The following PFKP variants were observed in gnomAD, a reference collection of about 807,000 sequenced individuals.
PFKP encodes the protein ATP-dependent 6-phosphofructokinase, platelet type.
A neutral mutation model predicts 94.3 loss-of-function variants in PFKP; 101 were observed. The ratio of observed to expected loss-of-function variants is 1.07; its 90% CI spans 0.91 to 1.26. The LOEUF (loss-of-function observed/expected upper bound fraction) is 1.26. PFKP is among the 50% of genes most tolerant of loss of function. The probability of loss-of-function intolerance (pLI) is 0.00; values close to 1 mark genes in which losing one functional copy is unlikely to be tolerated. For missense variants in PFKP, 1,145 were observed against 1,103.3 expected (o/e 1.04, Z -0.53); for synonymous variants, 573 against 432.6 (o/e 1.32, Z -4.03).
chr10:3,117,438 G>A (rs1282803459), intron 14 of PFKP, among the ~76,000 whole-genome samples: 1 of 152,176 alleles, frequency 6.6e-6, no homozygotes, highest in East Asian at 1.9e-4. Context: ...ATTAATCTCT[G>A]TCATCACTAC....
chr10:3,103,665 A>AG, intron 4 of PFKP, 114 bp from the exon 5 acceptor site: 1 of 976,350 alleles, frequency 1.0e-6, no homozygotes, highest in Non-Finnish European at 1.6e-6. Context: ...AATAACAAAG[A>AG]GTTTAGAATG....
intron 16 of PFKP, among the ~76,000 whole-genome samples, chr10:3,123,892 T>G (rs1044780145): frequency 1.3e-5 from 2 of 152,000 alleles, no homozygotes; most frequent in Non-Finnish European, 1.5e-5. Flanking sequence ...TGGGCCTGGG[T>G]GGAGGTGGAG....
At chr10:3,136,022 G>T (rs9423491) in intron 21 of PFKP, among the ~76,000 whole-genome samples, 184 bp downstream of exon 21, 65,063 of 151,926 alleles carry the variant, frequency 0.43, 14,131 homozygotes, top group African/African-American at 0.49. Context: ...TCCCAGCACT[G>T]TGGGAGGCCG....
At position 3,119,964 on chromosome 10, in the gene PFKP, G is replaced by T; in HGVS notation, c.1603G>T (p.Val535Phe). 1.2e-6 allele frequency: 2 copies of T among 1,614,134 alleles called. No homozygotes were observed. Among genetic ancestry groups the T allele is most frequent in the Non-Finnish European group, 1.7e-6 (2 of 1,180,002 alleles). ...GGAGTTCTGTGTCCCCATGGTCATG[G>T]TTCCCGCTACTGTGTCCAACAATGT... ...HEEFCVPMVMVPATVSNNVPG... is the reference protein window; with the variant it reads ...HEEFCVPMVMFPATVSNNVPG... Residue 535 changes from valine to phenylalanine, a missense_variant, in exon 16 of 22, where the codon GTT (valine) becomes TTT (phenylalanine). Physicochemically the swap from Val to Phe is conservative, Grantham distance 50. Transcript: ENST00000381125.
intron 16 of PFKP, among the ~76,000 whole-genome samples, chr10:3,125,513 G>A (rs1434917905): frequency 6.6e-6 from 1 of 152,172 alleles, no homozygotes; most frequent in Non-Finnish European, 1.5e-5. Flanking sequence ...GGAGCCGCAG[G>A]TACCATTGCT....
At chr10:3,132,960 T>C (rs924753941) in intron 18 of PFKP, among the ~76,000 whole-genome samples, 5 of 152,208 alleles carry the variant, frequency 3.3e-5, no homozygotes, top group Admixed American at 2.6e-4. Context: ...TGGTGTGCAA[T>C]TTAAAACTTA....
chr10:3,126,141 G>A (rs550722087), intron 16 of PFKP, among the ~76,000 whole-genome samples: 82 of 152,330 alleles, frequency 5.4e-4, no homozygotes, highest in African/African-American at 1.8e-3. Context: ...ACAGAACCTC[G>A]GAAGACAGCA....
chr10:3,090,392 A>T (rs1398723862), intron 2 of PFKP, among the ~76,000 whole-genome samples: 4 of 152,160 alleles, frequency 2.6e-5, no homozygotes, highest in Non-Finnish European at 5.9e-5. Context: ...GGTAGAAAGG[A>T]CTTGGAAAAG....
chr10:3,075,307 G>T (rs1464279632), intron 1 of PFKP, among the ~76,000 whole-genome samples: 1 of 151,888 alleles, frequency 6.6e-6, no homozygotes, highest in Non-Finnish European at 1.5e-5. Flanking sequence ...GGCCAGATTT[G>T]GGGGGGCCTG....
At chr10:3,110,804 TTG>T (rs1408049735) in intron 10 of PFKP, among the ~76,000 whole-genome samples, 2 of 151,570 alleles carry the variant, frequency 1.3e-5, no homozygotes, top group Admixed American at 6.6e-5. Context: ...GTGTGCATGT[TTG>T]TGAGGTAGTT....
At chr10:3,118,534 T>C (rs9423462) in intron 14 of PFKP, among the ~76,000 whole-genome samples, 57,871 of 152,090 alleles carry the variant, frequency 0.38, 11,141 homozygotes, top group East Asian at 0.45. Flanking sequence ...AGTAGAGTTC[T>C]TTTTAGGTCA....
At chr10:3,121,812 TTTTTTTTTTTTTTTTTTTC>T (rs1181844865) in intron 16 of PFKP, among the ~76,000 whole-genome samples, 6 of 75,662 alleles carry the variant, frequency 7.9e-5, no homozygotes, top group Non-Finnish European at 1.1e-4. Flanking sequence ...TCTTTTTTTT[TTTTTTTTTTTTTTTTTTTC>T]TTTTTTTGGA....
chr10:3,116,584 A>G (rs1836847509), intron 13 of PFKP, among the ~76,000 whole-genome samples, 192 bp from the exon 14 acceptor site: 1 of 152,136 alleles, frequency 6.6e-6, no homozygotes, highest in Admixed American at 6.6e-5. Context: ...GCTGCTCTTC[A>G]TGAGTTGTTA....
chr10:3,133,467 G>A (rs1838846965), intron 19 of PFKP, among the ~76,000 whole-genome samples, 153 bp downstream of exon 19: 1 of 152,208 alleles, frequency 6.6e-6, no homozygotes. Context: ...GTCTTGCTCT[G>A]TTGCCCAGGC....
intron 18 of PFKP, 21 bp downstream of exon 18, chr10:3,132,462 G>T (rs771261717): frequency 6.4e-7 from 1 of 1,562,472 alleles, no homozygotes. Context: ...GAGACCAGGG[G>T]CTGATCTTAC....
rs1014751076 is a variant in PFKP at position 3,107,647 on chromosome 10, T to A, written c.870+338T>A. The A allele has an allele frequency of 5.9e-6, 4 of 677,760 alleles. No homozygotes were observed. In the South Asian group the frequency reaches 2.6e-4, roughly 45 times the overall value. The allele number at this position is 677,760 out of a possible 1,614,324, so 42.0% of individuals were successfully genotyped here. A position where few individuals can be genotyped will look rare whatever the true frequency, so the allele number is the denominator to read the frequency against. On this transcript the variant is annotated intron_variant, in intron 8 of 21. Coordinates refer to ENST00000381125, the MANE Select transcript of PFKP (RefSeq NM_002627.5). ...TGCTCTGAGAATGAGGACTGACCAC[T>A]TGGCAGCCGACCCGGGCTTCTGTTT...
intron 16 of PFKP, among the ~76,000 whole-genome samples, chr10:3,121,579 CTGTTT>C (rs758221023): frequency 4.7e-5 from 4 of 85,212 alleles, no homozygotes; most frequent in Non-Finnish European, 8.7e-5. Context: ...CTATAAATAA[CTGTTT>C]TTTTTTTTTT....
rs747223136 is a variant in PFKP, at chr10:3,134,480, C to T, written c.2023-3C>T. On this transcript the variant is annotated splice_polypyrimidine_tract_variant and splice_region_variant and intron_variant, in intron 19 of 21. Transcript: ENST00000381125. ...TATTTCATATAACTCTAACCACCAA[C>T]AGGGTGGGGCACCCTCTCCATTTGA... 2 of 1,584,712 alleles carry T rather than the reference C, an allele frequency of 1.3e-6. No individual in the cohort carries two copies. The highest frequency in any genetic ancestry group is 2.2e-5 in the East Asian group (1 of 44,734).
intron 1 of PFKP, among the ~76,000 whole-genome samples, chr10:3,080,922 AAGAG>A (rs572191878): frequency 1.3e-4 from 20 of 152,156 alleles, no homozygotes; most frequent in Non-Finnish European, 2.2e-4. Context: ...GCTGTTCGGC[AAGAG>A]AGAGGTTACA....
Sources: gnomAD v4.1 joint callset for allele counts (sites outside exome capture counted in the v4.1 genomes callset) on GRCh38, gnomAD v4.1.1 for gene constraint, MANE v1.5 for transcripts, NCBI Gene and HGNC (gene_info 2026-07-23, HGNC 2026-07-21) for gene names.